CYP4A11: variants seen among roughly 807,000 people sequenced by gnomAD.
The protein encoded by CYP4A11 is cytochrome P450 4A11.
A neutral mutation model predicts 57.7 loss-of-function variants in CYP4A11; 52 were observed. The ratio of observed to expected loss-of-function variants is 0.90; its 90% confidence interval spans 0.72 to 1.14. The LOEUF (loss-of-function observed/expected upper bound fraction) is 1.14. CYP4A11 is among the 50% of genes most tolerant of loss of function. CYP4A11 has a pLI of 0.00. For missense variants in CYP4A11, 641 were observed against 642.1 expected, an observed-to-expected ratio of 1.00 and a Z score of 0.02; for synonymous variants, 228 against 247.1, an observed-to-expected ratio of 0.92 and a Z score of 0.72.
chr1:46,938,877 C>G (rs7526965), intron 1 of CYP4A11, among the ~76,000 whole-genome samples: 5,917 of 152,300 alleles, frequency 0.039, 384 homozygotes, highest in African/African-American at 0.13. Flanking sequence ...CTTTTCTTGC[C>G]TCCAGCCCTG....
At chr1:46,932,898 G>A in intron 10 of CYP4A11, 61 bp from the exon 11 acceptor site, 1 of 1,614,094 alleles carries the variant, frequency 6.2e-7, no homozygotes, top group Non-Finnish European at 8.5e-7. Context: ...GCCACCCATG[G>A]GGGACAGGAC....
At chr1:46,940,297 T>C (rs1011167517) in intron 1 of CYP4A11, among the ~76,000 whole-genome samples, 22 of 152,204 alleles carry the variant, frequency 1.4e-4, no homozygotes, top group Non-Finnish European at 1.2e-4. Flanking sequence ...AATTGCAAAA[T>C]AATCTCATAA....
Position 46,934,577 on chromosome 1 carries a change from T to C in CYP4A11, c.791-18A>G, listed in dbSNP as rs2148457858. The C allele has an allele frequency of 6.2e-7, 1 of 1,602,118 alleles. No individual in the cohort carries two copies. Among genetic ancestry groups the C allele is most frequent in the South Asian group, 1.1e-5 (1 of 89,590 alleles). ...CACTTGGTCTGTACCAGAACAATGG[T>C]TACCAGGCAGAGCTGAGACCGTCAG... On this transcript the variant is annotated intron_variant, in intron 6 of 11. Transcript: ENST00000310638.
Position 46,935,119 on chromosome 1 carries a change from A to T in CYP4A11, c.671T>A (p.Leu224Gln). Residue 224 changes from leucine to glutamine, a missense_variant, in exon 6 of 12, where the codon CTG (leucine) becomes CAG (glutamine). By Grantham distance (113) the Leu-to-Gln change is moderately radical (BLOSUM62 -2). Coordinates refer to ENST00000310638, the MANE Select transcript of CYP4A11 (RefSeq NM_000778.4). ...SQSYIQAISD[L>Q]NNLVFSRVRN... ...CACACGGGAAAAAACCAGGTTGTTC[A>T]GGTCACTAATGGCCTGTATGTAGGA... 6.2e-7 allele frequency: 1 copy of T among 1,614,206 alleles called. No individual in the cohort carries two copies.
chr1:46,937,213 G>T, intron 3 of CYP4A11, 89 bp downstream of exon 3: 1 of 1,442,522 alleles, frequency 6.9e-7, no homozygotes, highest in Admixed American at 1.8e-5. Context: ...CATGATAGTG[G>T]TGGCCTCTAA....
At chr1:46,935,342 G>A (rs865956415) in intron 5 of CYP4A11, among the ~76,000 whole-genome samples, 181 bp downstream of exon 5, 9 of 152,332 alleles carry the variant, frequency 5.9e-5, no homozygotes, top group Admixed American at 2.0e-4. Context: ...GTCCACCTGT[G>A]CTAGGAATTA....
chr1:46,930,049 G>A lies in CYP4A11; in HGVS notation c.*66C>T, dbSNP rs1680914920. 3.9e-6 allele frequency: 6 copies of A among 1,535,190 alleles called. No individual in the cohort carries two copies. The highest frequency in any genetic ancestry group is 1.4e-5 in the African/African-American group (1 of 72,918). Reference sequence around the variant, plus strand: ...AGGGAAGGTGGGCAGACAGAAAACAGGATATGGGCAGACAGGAAGGGGACA... The same window carrying A: ...AGGGAAGGTGGGCAGACAGAAAACAAGATATGGGCAGACAGGAAGGGGACA... On this transcript the variant is annotated 3_prime_UTR_variant, in exon 12 of 12. Transcript: ENST00000310638.
In CYP4A11 at chr1:46,940,979, C is replaced by T. The variant is rs749162835; in HGVS notation, c.195+260G>A. On this transcript the variant is annotated intron_variant, in intron 1 of 11. Transcript: ENST00000310638. ...GGAGACAATCAGGCATTGCCCTCCACATGCAGGACTGCCAAGACACACTTG... is the reference window on the plus strand; with the variant it reads ...GGAGACAATCAGGCATTGCCCTCCATATGCAGGACTGCCAAGACACACTTG... 14 of 985,266 alleles carry T rather than the reference C, an allele frequency of 1.4e-5. No individual in the cohort carries two copies. In the East Asian group the frequency reaches 1.4e-3, roughly 96 times the overall value. 61.0% of individuals were successfully genotyped at this position (985,266 alleles called of 1,614,324 possible).
chr1:46,938,315 A>T (rs1213087305), intron 1 of CYP4A11, among the ~76,000 whole-genome samples, 178 bp from the exon 2 acceptor site: 1 of 152,240 alleles, frequency 6.6e-6, no homozygotes, highest in Non-Finnish European at 1.5e-5. Context: ...CCTTAGGCCA[A>T]GCGCTATGAG....
chr1:46,933,117 A>T, intron 9 of CYP4A11, 70 bp from the exon 10 acceptor site: 1 of 1,589,384 alleles, frequency 6.3e-7, no homozygotes, highest in Non-Finnish European at 8.6e-7. Flanking sequence ...TTCAGCCAGC[A>T]GGCACAAAAG....
Position 46,929,935 on chromosome 1 carries a change from G to C in CYP4A11, c.*180C>G. The C allele has an allele frequency of 2.3e-6, 2 of 851,422 alleles. No homozygotes were observed. Among genetic ancestry groups the C allele is most frequent in the Non-Finnish European group, 3.6e-6 (2 of 561,532 alleles). The allele number at this position is 851,422 out of a possible 1,614,324, so 52.7% of individuals were successfully genotyped here. A position where few individuals can be genotyped will look rare whatever the true frequency, so the allele number is the denominator to read the frequency against. Reference sequence around the variant, plus strand: ...CCCAACAAGAGATACAGGTGGGTAGGAGACAGGTAGACAAGCAGGTAGGGA... The same window carrying C: ...CCCAACAAGAGATACAGGTGGGTAGCAGACAGGTAGACAAGCAGGTAGGGA... On this transcript the variant is annotated 3_prime_UTR_variant, in exon 12 of 12. Coordinates refer to ENST00000310638, the MANE Select transcript of CYP4A11 (RefSeq NM_000778.4).
At chr1:46,938,945 G>C (rs1681586572) in intron 1 of CYP4A11, among the ~76,000 whole-genome samples, 1 of 152,188 alleles carries the variant, frequency 6.6e-6, no homozygotes, top group African/African-American at 2.4e-5. Flanking sequence ...CACCACTGCT[G>C]CTGAATCGCA....
At chr1:46,932,628 C>G (rs1681091796) in intron 11 of CYP4A11, 133 bp downstream of exon 11, 4 of 1,577,798 alleles carry the variant, frequency 2.5e-6, no homozygotes, top group South Asian at 2.3e-5. Flanking sequence ...AGGTGCCTGA[C>G]TTTCCCACAA....
rs1258872255 is a variant in CYP4A11 at position 46,934,048 on chromosome 1, T to G, written c.1120A>C (p.Met374Leu). The G allele has an allele frequency of 6.2e-7, 1 of 1,613,686 alleles. No individual in the cohort carries two copies. Among genetic ancestry groups the G allele is most frequent in the Admixed American group, 1.7e-5 (1 of 59,930 alleles). ...NHLDQMPYTT[M>L]CIKEALRLYP... ...AGCCTCAGTGCCTCCTTAATGCACA[T>G]GGTGGTGTAGGGCATCTGGTCCAGG... is the stretch of plus-strand genomic sequence containing the variant. The change falls in exon 9 of 12, where the codon ATG (methionine) becomes CTG (leucine). Residue 374 changes from methionine to leucine, a missense_variant. Coordinates refer to ENST00000310638, the MANE Select transcript of CYP4A11 (RefSeq NM_000778.4).
Position 46,937,988 on chromosome 1 carries a change from G to A in CYP4A11, c.337+8C>T, listed in dbSNP as rs751358232. The A allele has an allele frequency of 1.2e-5, 19 of 1,613,704 alleles. No homozygotes were observed. The highest frequency in any genetic ancestry group is 9.9e-5 in the South Asian group (9 of 91,034). On this transcript the variant is annotated splice_region_variant and intron_variant, in intron 2 of 11. Transcript: ENST00000310638. ...CACATTGCAGTTGGGATGGGGGTTC[G>A]ATCTCACCTGATCTCCCCAGAATCA...
intron 11 of CYP4A11, 46 bp from the exon 12 acceptor site, chr1:46,930,356 A>G (rs1175057217): frequency 6.4e-7 from 1 of 1,568,412 alleles, no homozygotes; most frequent in Non-Finnish European, 8.7e-7. Flanking sequence ...CTCAGGCCCC[A>G]TTCTGATCTG....
intron 3 of CYP4A11, 91 bp from the exon 4 acceptor site, chr1:46,936,882 T>C: frequency 1.3e-6 from 2 of 1,487,754 alleles, no homozygotes; most frequent in South Asian, 1.4e-5. Flanking sequence ...TGGTGACAAT[T>C]TGGGAGGGAG....
At chr1:46,936,916 A>G in intron 3 of CYP4A11, 125 bp from the exon 4 acceptor site, 2 of 1,444,644 alleles carry the variant, frequency 1.4e-6, no homozygotes, top group Non-Finnish European at 1.8e-6. Flanking sequence ...CAAGGGGAGA[A>G]CTATCCAGAA....
intron 11 of CYP4A11, chr1:46,931,650 G>A (rs1417489033): frequency 2.9e-6 from 2 of 681,470 alleles, no homozygotes; most frequent in Non-Finnish European, 3.6e-6. Context: ...GACATGATTT[G>A]CAGGCAATGT....
Sources: gnomAD v4.1 joint callset for allele counts (sites outside exome capture counted in the v4.1 genomes callset) on GRCh38, gnomAD v4.1.1 for gene constraint, MANE v1.5 for transcripts, NCBI Gene and HGNC (gene_info 2026-07-23, HGNC 2026-07-21) for gene names.